The following COL4A3 variants were observed in gnomAD, a reference collection of about 807,000 sequenced individuals.
COL4A3 encodes collagen alpha-3(IV) chain.
In COL4A3, 135 loss-of-function variants were observed where a neutral mutation model predicts 217.4. The observed-to-expected ratio is 0.62, with a 90% CI of 0.54 to 0.72. COL4A3 has a LOEUF of 0.72. COL4A3 is among the 30% of genes least tolerant of loss of function. The pLI, the probability that COL4A3 is intolerant of heterozygous loss-of-function variation, is 0.00. For missense variants in COL4A3, 1,868 were observed against 2,119.9 expected, an observed-to-expected ratio of 0.88 and a Z score of 2.33; for synonymous variants, 690 against 736.3, an observed-to-expected ratio of 0.94 and a Z score of 1.02.
In COL4A3 at chr2:227,237,963, C is replaced by T; in HGVS notation, c.88-5C>T. On this transcript the variant is annotated splice_polypyrimidine_tract_variant and splice_region_variant and intron_variant, in intron 1 of 51. Coordinates refer to ENST00000396578, the MANE Select transcript of COL4A3 (RefSeq NM_000091.5). ...ACAAAACCCTTTCTCTTTCCCTCTT[C>T]CTAGGGTTGTGTCTGTAAAGACAAA... is the stretch of plus-strand genomic sequence containing the variant. 6.2e-7 allele frequency: 1 copy of T among 1,607,994 alleles called. No homozygotes were observed. Among genetic ancestry groups the T allele is most frequent in the African/African-American group, 1.3e-5 (1 of 74,922 alleles).
At chr2:227,297,997 C>G in intron 42 of COL4A3, 138 bp downstream of exon 42, 1 of 984,870 alleles carries the variant, frequency 1.0e-6, no homozygotes. Flanking sequence ...CCTGTGGTTC[C>G]CATACCCAGC....
chr2:227,211,160 A>C (rs13427303), intron 1 of COL4A3, among the ~76,000 whole-genome samples: 11,560 of 151,662 alleles, frequency 0.076, 645 homozygotes, highest in African/African-American at 0.15. Flanking sequence ...GCCACCACAC[A>C]CTTCTATTTT....
intron 3 of COL4A3, 60 bp downstream of exon 3, chr2:227,240,292 C>A: frequency 6.8e-7 from 1 of 1,470,576 alleles, no homozygotes; most frequent in Non-Finnish European, 9.3e-7. Context: ...CCTGCCTACC[C>A]CCTGGCTGCT....
At chr2:227,290,724 C>T in intron 36 of COL4A3, 23 bp from the exon 37 acceptor site, 1 of 1,610,822 alleles carries the variant, frequency 6.2e-7, no homozygotes, top group Non-Finnish European at 8.5e-7. Context: ...CTATTTTACT[C>T]TATGTTTTCC....
At chr2:227,242,757 C>A (rs2125899970) in intron 3 of COL4A3, among the ~76,000 whole-genome samples, 1 of 152,312 alleles carries the variant, frequency 6.6e-6, no homozygotes, top group African/African-American at 2.4e-5. Flanking sequence ...AGGCACAGAA[C>A]AAATATGTGT....
chr2:227,294,430 T>G, intron 38 of COL4A3, 60 bp from the exon 39 acceptor site: 3 of 1,077,286 alleles, frequency 2.8e-6, no homozygotes, highest in Non-Finnish European at 4.3e-6. Context: ...TTTCAGTCAC[T>G]GTTGTAATCA....
intron 2 of COL4A3, among the ~76,000 whole-genome samples, chr2:227,239,941 T>C (rs2068923857): frequency 6.6e-6 from 1 of 152,192 alleles, no homozygotes; most frequent in South Asian, 2.1e-4. Flanking sequence ...TTCAAGCCTA[T>C]AGACAAATAC....
At chr2:227,184,700 G>C (rs2065960500) in intron 1 of COL4A3, among the ~76,000 whole-genome samples, 1 of 151,648 alleles carries the variant, frequency 6.6e-6, no homozygotes, top group Non-Finnish European at 1.5e-5. Context: ...AAAATAGTGA[G>C]GTATCAAGTT....
chr2:227,187,859 A>C (rs1390940040), intron 1 of COL4A3, among the ~76,000 whole-genome samples: 1 of 152,096 alleles, frequency 6.6e-6, no homozygotes, highest in Non-Finnish European at 1.5e-5. Flanking sequence ...CCCACTACCA[A>C]GCATCTAATG....
At position 227,164,841 on chromosome 2, in the gene COL4A3, C is replaced by G; in HGVS notation, c.87+28C>G. On this transcript the variant is annotated intron_variant, in intron 1 of 51. Coordinates refer to ENST00000396578, the MANE Select transcript of COL4A3 (RefSeq NM_000091.5). This position sits in a 1 kb window ranked among gnomAD's most constrained non-coding sequence, Gnocchi z 4.8. Reference sequence around the variant, plus strand: ...GAGTGGGGGCTGCGCGACCCCCACCCCCGCACTTCCATCCCTCCTCCACGC... The same window carrying G: ...GAGTGGGGGCTGCGCGACCCCCACCGCCGCACTTCCATCCCTCCTCCACGC... 2 of 1,491,386 alleles carry G rather than the reference C, an allele frequency of 1.3e-6. No individual in the cohort carries two copies. The highest frequency in any genetic ancestry group is 1.8e-6 in the Non-Finnish European group (2 of 1,127,684). The allele number at this position is 1,491,386 out of a possible 1,614,324, so 92.4% of individuals were successfully genotyped here. A position where few individuals can be genotyped will look rare whatever the true frequency, so the allele number is the denominator to read the frequency against.
chr2:227,170,141 G>A (rs796450190), intron 1 of COL4A3, among the ~76,000 whole-genome samples: 12 of 152,076 alleles, frequency 7.9e-5, no homozygotes, highest in Admixed American at 4.6e-4. Flanking sequence ...CACATGGATG[G>A]TACACAGAAA....
rs2072017800 is a variant in COL4A3, at chr2:227,282,263, T to G, written c.2489-102T>G. On this transcript the variant is annotated intron_variant, in intron 31 of 51. Transcript: ENST00000396578. This position sits in a 1 kb window ranked among gnomAD's most constrained non-coding sequence, Gnocchi z 4.4. The stretch of plus-strand genomic sequence containing the variant: ...ATCCAGCCTAGAAGACAGAGGGAGA[T>G]TCCATCTTAAAAATATATATATATA... 2 of 491,932 alleles carry G rather than the reference T, an allele frequency of 4.1e-6. No homozygotes were observed. The highest frequency in any genetic ancestry group is 2.9e-6 in the Non-Finnish European group (1 of 348,872). 30.5% of individuals were successfully genotyped at this position (491,932 alleles called of 1,614,324 possible).
chr2:227,241,763 G>A (rs2069035741), intron 3 of COL4A3, among the ~76,000 whole-genome samples: 1 of 152,072 alleles, frequency 6.6e-6, no homozygotes, highest in Non-Finnish European at 1.5e-5. Context: ...CCAACCTACT[G>A]CATATGTACT....
At chr2:227,185,133 C>G (rs1209694939) in intron 1 of COL4A3, among the ~76,000 whole-genome samples, 1 of 152,068 alleles carries the variant, frequency 6.6e-6, no homozygotes, top group Non-Finnish European at 1.5e-5. Context: ...ATCTTCTGAC[C>G]TCGTGATCTG....
chr2:227,279,771 G>C, intron 28 of COL4A3, 22 bp from the exon 29 acceptor site: 1 of 1,505,520 alleles, frequency 6.6e-7, no homozygotes, highest in South Asian at 1.2e-5. Flanking sequence ...CTACAACAAT[G>C]TTTATTGTTT....
chr2:227,298,494 G>C (rs1449486064), intron 42 of COL4A3, among the ~76,000 whole-genome samples, 188 bp from the exon 43 acceptor site: 1 of 152,210 alleles, frequency 6.6e-6, no homozygotes, highest in Non-Finnish European at 1.5e-5. Context: ...TCCTGCTGGT[G>C]GGTGCCAGGT....
chr2:227,274,194 G>A (rs1354661349), intron 26 of COL4A3, among the ~76,000 whole-genome samples: 6 of 151,712 alleles, frequency 4.0e-5, no homozygotes, highest in Non-Finnish European at 7.4e-5. Context: ...CCAAGATCGT[G>A]CTACTGCACT....
rs1277576060 is a variant in COL4A3 at position 227,191,666 on chromosome 2, C to T, written c.87+26853C>T. 6.6e-6 allele frequency among the ~76,000 whole-genome samples: 1 copy of T among 152,128 alleles called. No individual in the cohort carries two copies. On this transcript the variant is annotated intron_variant, in intron 1 of 51. Coordinates refer to ENST00000396578, the MANE Select transcript of COL4A3 (RefSeq NM_000091.5). This position sits in a 1 kb window ranked among gnomAD's most constrained non-coding sequence, Gnocchi z 6.8. ...ATGTAGCTGAAGTTTTACATTATGG[C>T]CTGCAAGAAACTTTATTCTAATAAA...
intron 1 of COL4A3, among the ~76,000 whole-genome samples, chr2:227,175,963 G>T (rs931069254): frequency 1.3e-5 from 2 of 152,134 alleles, no homozygotes; most frequent in African/African-American, 4.8e-5. Context: ...ATTGGGATAG[G>T]TGTGAATTAG....
Sources: gnomAD v4.1 joint callset for allele counts (sites outside exome capture counted in the v4.1 genomes callset) on GRCh38, gnomAD v4.1.1 for gene constraint, Gnocchi (gnomAD v3.1) non-coding constraint, MANE v1.5 for transcripts, NCBI Gene and HGNC (gene_info 2026-07-23, HGNC 2026-07-21) for gene names.